Variants in PCDHA2 observed in about 807,000 individuals in gnomAD.
PCDHA2 encodes protocadherin alpha 2.
In PCDHA2, 58 loss-of-function variants were observed where a neutral mutation model predicts 66.0. That is an observed-to-expected ratio of 0.88 (90% CI 0.71 to 1.09). The LOEUF is 1.09. Among genes scored for constraint, PCDHA2 ranks in the 50% least tolerant of loss-of-function variants. The pLI, the probability that PCDHA2 is intolerant of heterozygous loss-of-function variation, is 0.00. For missense variants in PCDHA2, 1,267 were observed against 1,242.3 expected (o/e 1.02, Z -0.30); for synonymous variants, 634 against 554.0 (o/e 1.14, Z -2.03).
rs1228559116 is a variant in PCDHA2, at chr5:140,927,616, G to A, written c.2389-51333G>A. On this transcript the variant is annotated intron_variant, in intron 1 of 3. Coordinates refer to ENST00000526136, the MANE Select transcript of PCDHA2 (RefSeq NM_018905.3). ...TGAGCGCTCCGTATACCGCACCAAG[G>A]TTCCAGAGACTGCACCCAATGGGAC... 1.1e-5 allele frequency: 18 copies of A among 1,614,046 alleles called. No individual in the cohort carries two copies. Among genetic ancestry groups the A allele is most frequent in the Non-Finnish European group, 1.5e-5 (18 of 1,180,038 alleles).
At position 140,853,586 on chromosome 5, in the gene PCDHA2, A is replaced by T; in HGVS notation, c.2388+56234A>T. 4 of 985,384 alleles carry T rather than the reference A, an allele frequency of 4.1e-6. 1 individual carries two copies. Among genetic ancestry groups the T allele is most frequent in the Non-Finnish European group, 4.9e-6 (4 of 817,556 alleles). 61.0% of individuals were successfully genotyped at this position (985,384 alleles called of 1,614,324 possible). ...ACTAAGTTGTCACCCAATATCTTAG[A>T]CACTTTGAGAGCAAAGGGGGTGCTG... is the stretch of plus-strand genomic sequence containing the variant. On this transcript the variant is annotated intron_variant, in intron 1 of 3. Transcript: ENST00000526136.
At chr5:140,828,617 G>T (rs2150157424) in intron 1 of PCDHA2, 3 of 1,614,158 alleles carry the variant, frequency 1.9e-6, no homozygotes, top group South Asian at 1.1e-5. Flanking sequence ...CAGTTCTAGC[G>T]AATACTTCGG....
At chr5:140,812,537 T>A (rs1765127658) in intron 1 of PCDHA2, 1 of 152,190 alleles carries the variant, frequency 6.6e-6, no homozygotes. Context: ...TGTCCTTTTT[T>A]TCTAGTTCCT....
intron 1 of PCDHA2, among the ~76,000 whole-genome samples, chr5:140,971,680 A>C (rs185214999): frequency 1.1e-4 from 17 of 152,268 alleles, no homozygotes; most frequent in African/African-American, 4.1e-4. Context: ...AGAGTAAGGG[A>C]ATTTGTACTC....
chr5:140,880,895 TAGAA>T (rs1421038707), intron 1 of PCDHA2, among the ~76,000 whole-genome samples: 2 of 152,090 alleles, frequency 1.3e-5, no homozygotes, highest in African/African-American at 4.8e-5. Context: ...TAGGGCCAGA[TAGAA>T]AGAATTAGAA....
intron 1 of PCDHA2, among the ~76,000 whole-genome samples, chr5:140,922,214 C>T (rs1554200731): frequency 1.3e-5 from 2 of 152,004 alleles, no homozygotes; most frequent in African/African-American, 4.8e-5. Context: ...CTTTGTAAAA[C>T]ATTTGAACCT....
chr5:140,963,850 A>T (rs2095793640), intron 1 of PCDHA2, among the ~76,000 whole-genome samples: 1 of 152,244 alleles, frequency 6.6e-6, no homozygotes. Flanking sequence ...TAATCATAAT[A>T]ATAACCGTAT....
intron 1 of PCDHA2, chr5:140,967,765 C>A: frequency 6.2e-7 from 1 of 1,614,234 alleles, no homozygotes; most frequent in Non-Finnish European, 8.5e-7. Context: ...CCTACCAGAT[C>A]TATGTGCAGG....
chr5:140,917,746 G>T (rs1200600528), intron 1 of PCDHA2, among the ~76,000 whole-genome samples: 2 of 152,122 alleles, frequency 1.3e-5, no homozygotes, highest in Non-Finnish European at 2.9e-5. Context: ...CTGTCCCATT[G>T]GTCTATGTGT....
chr5:140,801,694 C>T (rs35124371), intron 1 of PCDHA2: 4 of 1,614,116 alleles, frequency 2.5e-6, no homozygotes, highest in Admixed American at 3.3e-5. Flanking sequence ...GGAACAAATT[C>T]GTTGTTGACT....
intron 1 of PCDHA2, chr5:140,848,680 G>A: frequency 1.9e-6 from 3 of 1,592,366 alleles, no homozygotes; most frequent in East Asian, 2.2e-5. Context: ...CTGGTGCCGC[G>A]CCTGTTCCAG....
At chr5:140,799,104 A>G (rs1289036851) in intron 1 of PCDHA2, among the ~76,000 whole-genome samples, 1 of 152,172 alleles carries the variant, frequency 6.6e-6, no homozygotes, top group Non-Finnish European at 1.5e-5. Context: ...AAGTTTTTTC[A>G]AAACATTCTT....
At chr5:140,858,472 T>C in intron 1 of PCDHA2, 1 of 1,518,184 alleles carries the variant, frequency 6.6e-7, no homozygotes. Context: ...TTTTGTGCTT[T>C]ATGAATAATA....
chr5:140,853,467 G>T lies in PCDHA2; in HGVS notation c.2388+56115G>T, dbSNP rs2150532339. 46 of 971,640 alleles carry T rather than the reference G, an allele frequency of 4.7e-5. No homozygotes were observed. The African/African-American group carries it at 8.1e-4, about 17-fold the overall frequency. 60.2% of individuals were successfully genotyped at this position (971,640 alleles called of 1,614,324 possible). ...CTAATAGGTCTCCTTATATGCATCT[G>T]TAGTTAACATTCCTCAATTCAAGTT... On this transcript the variant is annotated intron_variant, in intron 1 of 3. Transcript: ENST00000526136.
At chr5:140,877,862 A>T (rs1554170193) in intron 1 of PCDHA2, 1 of 1,505,068 alleles carries the variant, frequency 6.6e-7, no homozygotes, top group East Asian at 2.4e-5. Flanking sequence ...TATTATTTAG[A>T]TATATTTGTT....
chr5:140,982,299 T>C, intron 2 of PCDHA2, 176 bp from the exon 3 acceptor site: 1 of 1,200,862 alleles, frequency 8.3e-7, no homozygotes, highest in South Asian at 1.7e-5. Flanking sequence ...AAGTCAGCAA[T>C]GCTTCTGCAG....
At chr5:140,896,398 A>T (rs1322743669) in intron 1 of PCDHA2, among the ~76,000 whole-genome samples, 3 of 151,946 alleles carry the variant, frequency 2.0e-5, no homozygotes, top group African/African-American at 7.3e-5. Context: ...AGCATCTGTT[A>T]TTTTTGACTT....
chr5:141,004,094 G>A (rs962663466), intron 3 of PCDHA2, among the ~76,000 whole-genome samples: 1 of 152,194 alleles, frequency 6.6e-6, no homozygotes, highest in Non-Finnish European at 1.5e-5. Context: ...TGCTTCTTCC[G>A]TTTTCATCTT....
intron 3 of PCDHA2, among the ~76,000 whole-genome samples, chr5:140,983,425 C>A (rs1252010683): frequency 6.6e-6 from 1 of 152,198 alleles, no homozygotes; most frequent in Non-Finnish European, 1.5e-5. Context: ...GTAGAGACCA[C>A]AAATTGTGTC....
Sources: gnomAD v4.1 joint callset for allele counts (sites outside exome capture counted in the v4.1 genomes callset) on GRCh38, gnomAD v4.1.1 for gene constraint, MANE v1.5 for transcripts, NCBI Gene and HGNC (gene_info 2026-07-23, HGNC 2026-07-21) for gene names.